Variants in EPPIN observed in about 807,000 individuals in gnomAD.
The protein encoded by EPPIN is epididymal peptidase inhibitor.
Under a neutral mutation model 18.8 loss-of-function variants are expected in EPPIN, and 14 were observed. The ratio of observed to expected loss-of-function variants is 0.75; its 90% CI spans 0.49 to 1.17. The LOEUF (loss-of-function observed/expected upper bound fraction) is 1.17. Ranked by LOEUF, EPPIN falls within the 50% of genes most tolerant of loss-of-function variation. The probability of loss-of-function intolerance (pLI) is 0.00; values close to 1 mark genes in which losing one functional copy is unlikely to be tolerated. For synonymous variants in EPPIN, 57 were observed against 54.8 expected, an observed-to-expected ratio of 1.04 and a Z score of -0.18; for missense variants, 143 against 154.2, an observed-to-expected ratio of 0.93 and a Z score of 0.39.
At position 45,542,731 on chromosome 20, in the gene EPPIN, T is replaced by C; in HGVS notation, c.360A>G (p.Lys120=). 1 of 1,613,888 alleles carries C rather than the reference T, an allele frequency of 6.2e-7. No individual in the cohort carries two copies. Among genetic ancestry groups the C allele is most frequent in the African/African-American group, 1.3e-5 (1 of 75,002 alleles). The change falls in exon 3 of 4, where the codon AAA becomes AAG. Residue 120 remains lysine, a synonymous_variant. Coordinates refer to ENST00000354280, the MANE Select transcript of EPPIN (RefSeq NM_020398.4). ...TCTTGCAGGTGTTCAGGCAGTTGGCTTTGGATTGGAAGTTGTTATTGTTTC... is the reference window on the plus strand; with the variant it reads ...TCTTGCAGGTGTTCAGGCAGTTGGCCTTGGATTGGAAGTTGTTATTGTTTC... ...CQGNNNNFQS[K]ANCLNTCKNK...
chr20:45,542,725 G>A lies in EPPIN; in HGVS notation c.366C>T (p.Asn122=). The A allele has an allele frequency of 6.2e-7, 1 of 1,613,950 alleles. No individual in the cohort carries two copies. Among genetic ancestry groups the A allele is most frequent in the Non-Finnish European group, 8.5e-7 (1 of 1,179,850 alleles). ...GTTTATTCTTGCAGGTGTTCAGGCAGTTGGCTTTGGATTGGAAGTTGTTAT... is the reference window on the plus strand; with the variant it reads ...GTTTATTCTTGCAGGTGTTCAGGCAATTGGCTTTGGATTGGAAGTTGTTAT... The part of the protein sequence containing the change: ...GNNNNFQSKA[N]CLNTCKNKRF... The change falls in exon 3 of 4, where the codon AAC becomes AAT. Residue 122 remains asparagine (N), a synonymous_variant. Transcript: ENST00000354280.
At chr20:45,544,437 G>A (rs1292843040) in intron 2 of EPPIN, 3 of 152,128 alleles carry the variant, frequency 2.0e-5, no homozygotes, top group Non-Finnish European at 1.5e-5. Context: ...AGGGAAAGTT[G>A]TTAATTTATC....
chr20:45,544,924 A>G (rs1979758426), intron 2 of EPPIN: 1 of 152,134 alleles, frequency 6.6e-6, no homozygotes, highest in Admixed American at 6.6e-5. Flanking sequence ...GCCTTTGTGC[A>G]TGCTACTGCC....
rs148929549 is a variant in EPPIN, at chr20:45,540,627, T to C, written c.*1517A>G. The C allele has an allele frequency of 0.03, 4,495 of 152,066 alleles. 123 individuals are homozygous for C. Among genetic ancestry groups the C allele is most frequent in the East Asian group, 0.1 (515 of 5,166 alleles). The allele number at this position is 152,066 out of a possible 1,614,324, so 9.4% of individuals were successfully genotyped here. A position where few individuals can be genotyped will look rare whatever the true frequency, so the allele number is the denominator to read the frequency against. Reference sequence around the variant, plus strand: ...TGGGCAAAGGACATGAACAGACACTTCTCAAAAGAAGACATTTATGCGGCC... The same window carrying C: ...TGGGCAAAGGACATGAACAGACACTCCTCAAAAGAAGACATTTATGCGGCC... On this transcript the variant is annotated 3_prime_UTR_variant, in exon 4 of 4. Coordinates refer to ENST00000354280, the MANE Select transcript of EPPIN (RefSeq NM_020398.4).
chr20:45,544,588 GC>G (rs1979739831), intron 2 of EPPIN: 2 of 152,212 alleles, frequency 1.3e-5, no homozygotes, highest in African/African-American at 4.8e-5. Context: ...TGTTCACTTT[GC>G]CTCCTATGTC....
At chr20:45,547,187 A>G (rs2145555168) in intron 1 of EPPIN, 80 bp downstream of exon 1, 1 of 1,584,154 alleles carries the variant, frequency 6.3e-7, no homozygotes, top group South Asian at 1.2e-5. Flanking sequence ...AAAGCAACCC[A>G]CATCTGAAGA....
At chr20:45,542,970 C>T in intron 2 of EPPIN, 103 bp from the exon 3 acceptor site, 4 of 1,472,016 alleles carry the variant, frequency 2.7e-6, no homozygotes, top group African/African-American at 2.9e-5. Context: ...CTGGAGTAGG[C>T]TCCTTTTCTC....
intron 1 of EPPIN, 150 bp from the exon 2 acceptor site, chr20:45,545,920 AT>A: frequency 8.3e-7 from 1 of 1,206,988 alleles, no homozygotes. Flanking sequence ...AGCCTCACTC[AT>A]TTCCCTACTG....
At chr20:45,542,639 A>G (rs1484677227) in intron 3 of EPPIN, 61 bp downstream of exon 3, 9 of 1,572,434 alleles carry the variant, frequency 5.7e-6, no homozygotes, top group Non-Finnish European at 7.7e-6. Context: ...GGACCAGCCA[A>G]CACCCAGACC....
At chr20:45,543,566 T>A (rs1416125026) in intron 2 of EPPIN, 3 of 152,290 alleles carry the variant, frequency 2.0e-5, no homozygotes, top group Non-Finnish European at 4.4e-5. Context: ...GTCTCTTTAA[T>A]ATAAGCCTCA....
chr20:45,545,433 C>G (rs1979782578), intron 2 of EPPIN: 1 of 745,040 alleles, frequency 1.3e-6, no homozygotes, highest in Non-Finnish European at 2.1e-6. Context: ...GAAACTGAGT[C>G]TCAGACATTA....
At position 45,542,738 on chromosome 20, in the gene EPPIN, T is replaced by C. The variant is rs1422110038; in HGVS notation, c.353A>G (p.Gln118Arg). Residue 118 changes from glutamine to arginine, a missense_variant, in exon 3 of 4, where the codon CAA (glutamine) becomes CGA (arginine). Gln to Arg is a conservative substitution (Grantham distance 43, BLOSUM62 1). Transcript: ENST00000354280. ...GGTGTTCAGGCAGTTGGCTTTGGAT[T>C]GGAAGTTGTTATTGTTTCCCTGGCA... Reference protein sequence around the residue: ...GGCQGNNNNFQSKANCLNTCK... With the variant: ...GGCQGNNNNFRSKANCLNTCK... The C allele has an allele frequency of 6.2e-7, 1 of 1,613,956 alleles. No homozygotes were observed.
Position 45,542,988 on chromosome 20 carries a change from A to G in EPPIN, c.224-121T>C, listed in dbSNP as rs1414997125. ...GAGTAGGCTCCTTTTCTCTTATCAC[A>G]TGGCAGGAGCACAGCTCCACTGACA... On this transcript the variant is annotated intron_variant, in intron 2 of 3. Transcript: ENST00000354280. 2.6e-5 allele frequency: 36 copies of G among 1,405,784 alleles called. No individual in the cohort carries two copies. The East Asian group carries it at 8.6e-4, about 34-fold the overall frequency. 87.1% of individuals were successfully genotyped at this position (1,405,784 alleles called of 1,614,324 possible).
intron 2 of EPPIN, chr20:45,543,676 G>A (rs971927732): frequency 3.3e-5 from 5 of 152,222 alleles, no homozygotes; most frequent in African/African-American, 1.2e-4. Flanking sequence ...CCAGAGAGAA[G>A]GATCTGATGG....
rs1291063706 is a variant in EPPIN, at chr20:45,542,106, C to G, written c.*38G>C. 2 of 1,612,882 alleles carry G rather than the reference C, an allele frequency of 1.2e-6. No homozygotes were observed. Among genetic ancestry groups the G allele is most frequent in the East Asian group, 2.2e-5 (1 of 44,828 alleles). ...ACAGGAACAGTACTCAGAGCATGAG[C>G]CACATTCTGGCAGTTCTTCCAGTGC... On this transcript the variant is annotated 3_prime_UTR_variant, in exon 4 of 4. Transcript: ENST00000354280.
intron 1 of EPPIN, 169 bp from the exon 2 acceptor site, chr20:45,545,939 C>A: frequency 1.1e-6 from 1 of 930,796 alleles, no homozygotes. Flanking sequence ...CTGCCTACAC[C>A]CCCACCACTC....
intron 3 of EPPIN, 75 bp from the exon 4 acceptor site, chr20:45,542,229 T>C: frequency 1.3e-6 from 2 of 1,592,200 alleles, no homozygotes; most frequent in Admixed American, 1.7e-5. Context: ...GTTATGTTTA[T>C]ACATCTTTGC....
At position 45,542,153 on chromosome 20, in the gene EPPIN, G is replaced by C. The variant is rs777717270; in HGVS notation, c.393C>G (p.Arg131=). The change falls in exon 4 of 4, where the codon CGC becomes CGG. Residue 131 remains arginine, a splice_region_variant and synonymous_variant. Transcript: ENST00000354280. ...ANCLNTCKNK[R]FP ...GTGCATCCTTATCCAATCAGGGAAA[G>C]CCTGCAGAGAACGTAGGACAGAAAC... 2 of 1,613,668 alleles carry C rather than the reference G, an allele frequency of 1.2e-6. No individual in the cohort carries two copies. Among genetic ancestry groups the C allele is most frequent in the Admixed American group, 3.3e-5 (2 of 59,986 alleles).
In EPPIN at chr20:45,542,642, C is replaced by T; in HGVS notation, c.391+58G>A. On this transcript the variant is annotated intron_variant, in intron 3 of 3. Transcript: ENST00000354280. ...CTGTCCTGGAATGGACCAGCCAACA[C>T]CCAGACCTCCCGGCATGGGACTGGA... 5 of 1,576,758 alleles carry T rather than the reference C, an allele frequency of 3.2e-6. No homozygotes were observed. The South Asian group carries it at 6.0e-5, about 19-fold the overall frequency.
Sources: gnomAD v4.1 joint callset for allele counts on GRCh38, gnomAD v4.1.1 for gene constraint, MANE v1.5 for transcripts, NCBI Gene and HGNC (gene_info 2026-07-23, HGNC 2026-07-21) for gene names.